CYP2C18: variants seen among roughly 807,000 people sequenced by gnomAD.
CYP2C18 encodes cytochrome P450 family 2 subfamily C member 18.
In CYP2C18, 38 loss-of-function variants were observed where a neutral mutation model predicts 41.3. The ratio of observed to expected loss-of-function variants is 0.92; its 90% CI spans 0.71 to 1.21. The LOEUF is 1.21. CYP2C18 is among the 50% of genes most tolerant of loss of function. The pLI is 0.00. For synonymous variants in CYP2C18, 236 were observed against 210.0 expected, an observed-to-expected ratio of 1.12 and a Z score of -1.07; for missense variants, 635 against 591.4, an observed-to-expected ratio of 1.07 and a Z score of -0.77.
At chr10:94,695,098 T>A in intron 4 of CYP2C18, 21 bp downstream of exon 4, 1 of 1,572,738 alleles carries the variant, frequency 6.4e-7, no homozygotes, top group Non-Finnish European at 8.6e-7. Context: ...GAGCTTCTCT[T>A]CCTGAGATAT....
Position 94,735,967 on chromosome 10 carries a change from G to C in CYP2C18, c.*523G>C, listed in dbSNP as rs1300188684. ...AGCTGTTTTAGCTAAATGCCACCTA[G>C]AGTTATTGGAGGTCTGAATTTGGAA... On this transcript the variant is annotated 3_prime_UTR_variant, in exon 9 of 9. Coordinates refer to ENST00000285979, the MANE Select transcript of CYP2C18 (RefSeq NM_000772.3). 1.3e-5 allele frequency: 2 copies of C among 152,784 alleles called. No homozygotes were observed. The highest frequency in any genetic ancestry group is 4.8e-5 in the African/African-American group (2 of 41,396). The allele number at this position is 152,784 out of a possible 1,614,324, so 9.5% of individuals were successfully genotyped here.
intron 3 of CYP2C18, among the ~76,000 whole-genome samples, chr10:94,691,776 C>T (rs1470550471): frequency 2.0e-5 from 3 of 152,182 alleles, no homozygotes; most frequent in Non-Finnish European, 4.4e-5. Flanking sequence ...TCAAACTATA[C>T]TACAAGGCTA....
rs1417419804 is a variant in CYP2C18 at position 94,716,018 on chromosome 10, T to A, written c.820-4378T>A. Among the ~76,000 whole-genome samples the A allele has an allele frequency of 2.6e-5, 4 of 152,318 alleles. No individual in the cohort carries two copies. The East Asian group carries it at 7.7e-4, about 29-fold the overall frequency. ...GATGGTAGTTTGCATTTCTGTGGGA[T>A]CAGTGGTGATATCCCCTTTAACATT... On this transcript the variant is annotated intron_variant, in intron 5 of 8. Transcript: ENST00000285979.
chr10:94,728,027 A>G (rs1323401352), intron 7 of CYP2C18, among the ~76,000 whole-genome samples: 2 of 152,126 alleles, frequency 1.3e-5, no homozygotes, highest in Non-Finnish European at 2.9e-5. Context: ...TTATACTAAA[A>G]TATCTCTTAT....
intron 4 of CYP2C18, among the ~76,000 whole-genome samples, chr10:94,702,278 C>A (rs886317851): frequency 6.6e-6 from 1 of 152,068 alleles, no homozygotes; most frequent in Non-Finnish European, 1.5e-5. Context: ...GAATGTTGGC[C>A]TGTCTTGCTA....
At chr10:94,691,191 G>T (rs1343154304) in intron 3 of CYP2C18, among the ~76,000 whole-genome samples, 1 of 152,020 alleles carries the variant, frequency 6.6e-6, no homozygotes, top group Non-Finnish European at 1.5e-5. Context: ...GGCAGGAGAA[G>T]GAAATAAAGG....
chr10:94,690,311 T>C (rs1846972795), intron 3 of CYP2C18, among the ~76,000 whole-genome samples: 1 of 152,202 alleles, frequency 6.6e-6, no homozygotes, highest in Admixed American at 6.5e-5. Context: ...ATTACCCTGA[T>C]TTTTATTATC....
intron 3 of CYP2C18, among the ~76,000 whole-genome samples, chr10:94,691,720 A>G (rs11188055): frequency 0.2 from 30,596 of 152,154 alleles, 3,262 homozygotes; most frequent in Middle Eastern, 0.23. Flanking sequence ...TGCCAAGTCA[A>G]TCCTAAGCCA....
At chr10:94,719,269 CA>C (rs1223473740) in intron 5 of CYP2C18, among the ~76,000 whole-genome samples, 1 of 152,098 alleles carries the variant, frequency 6.6e-6, no homozygotes, top group Non-Finnish European at 1.5e-5. Context: ...ATGGCTTAAA[CA>C]AATAATGTGT....
chr10:94,717,015 T>C (rs936036289), intron 5 of CYP2C18, among the ~76,000 whole-genome samples: 6 of 152,180 alleles, frequency 3.9e-5, no homozygotes, highest in Non-Finnish European at 5.9e-5. Flanking sequence ...CCTGCCTTTT[T>C]TTGTTTTCCA....
chr10:94,705,485 C>T (rs68060620), intron 4 of CYP2C18, among the ~76,000 whole-genome samples: 24,908 of 152,184 alleles, frequency 0.16, 2,253 homozygotes, highest in East Asian at 0.37. Context: ...AACAAACCTG[C>T]ACATCCTGCA....
In CYP2C18 at chr10:94,724,122, T is replaced by C. The variant is rs933198423; in HGVS notation, c.962-224T>C. On this transcript the variant is annotated intron_variant, in intron 6 of 8. Coordinates refer to ENST00000285979, the MANE Select transcript of CYP2C18 (RefSeq NM_000772.3). ...TTATATTTGTACTGATTATCTTGTA[T>C]GCTAATATGTAGGTGGTTACAGATT... Among the ~76,000 whole-genome samples the C allele has an allele frequency of 4.6e-5, 7 of 151,852 alleles. No homozygotes were observed. The Admixed American group carries it at 4.6e-4, about 10-fold the overall frequency.
intron 1 of CYP2C18, among the ~76,000 whole-genome samples, chr10:94,687,027 G>A (rs918101097): frequency 4.6e-5 from 7 of 152,074 alleles, no homozygotes; most frequent in Non-Finnish European, 1.0e-4. Flanking sequence ...AAACATAAAC[G>A]AATGAAAGAA....
intron 5 of CYP2C18, among the ~76,000 whole-genome samples, chr10:94,708,933 A>T (rs1272148873): frequency 2.0e-5 from 3 of 152,142 alleles, no homozygotes; most frequent in South Asian, 2.1e-4. Context: ...GTCAAATAAT[A>T]TTTGGGTGTG....
At chr10:94,690,192 A>G (rs1163608236) in intron 3 of CYP2C18, among the ~76,000 whole-genome samples, 1 of 152,200 alleles carries the variant, frequency 6.6e-6, no homozygotes, top group Admixed American at 6.5e-5. Context: ...GGTGAATTTT[A>G]AAACAACTGG....
chr10:94,715,384 C>T lies in CYP2C18; in HGVS notation c.820-5012C>T, dbSNP rs557514402. On this transcript the variant is annotated intron_variant, in intron 5 of 8. Transcript: ENST00000285979. ...TACCGAATTTATTGAGAGTTTTTAG[C>T]ATGAAGGTTTTTGAATTTTGTCAAA... is the stretch of plus-strand genomic sequence containing the variant. Among the ~76,000 whole-genome samples, 500 of 152,278 alleles carry T rather than the reference C, an allele frequency of 3.3e-3. 1 individual carries two copies. The highest frequency in any genetic ancestry group is 0.012 in the African/African-American group (481 of 41,552).
chr10:94,712,347 C>A lies in CYP2C18; in HGVS notation c.819+5387C>A, dbSNP rs371734560. On this transcript the variant is annotated intron_variant, in intron 5 of 8. Coordinates refer to ENST00000285979, the MANE Select transcript of CYP2C18 (RefSeq NM_000772.3). ...CCCTTTGACTATCATCTCCCCCTTTCCCCCCGCCCCCAAGCCCTCTGGCAA... is the reference window on the plus strand; with the variant it reads ...CCCTTTGACTATCATCTCCCCCTTTACCCCCGCCCCCAAGCCCTCTGGCAA... 1.3e-4 allele frequency among the ~76,000 whole-genome samples: 20 copies of A among 151,384 alleles called. No homozygotes were observed. In the East Asian group the frequency reaches 3.7e-3, roughly 28 times the overall value.
At chr10:94,692,421 T>G (rs929168391) in intron 3 of CYP2C18, among the ~76,000 whole-genome samples, 2 of 130,760 alleles carry the variant, frequency 1.5e-5, no homozygotes, top group African/African-American at 5.8e-5. Context: ...ACATGAAAAA[T>G]GCTCATCATC....
intron 4 of CYP2C18, among the ~76,000 whole-genome samples, chr10:94,698,753 A>AAG (rs1847173246): frequency 2.0e-5 from 3 of 151,766 alleles, no homozygotes; most frequent in African/African-American, 7.3e-5. Context: ...TAAAGAAGAA[A>AAG]AGAGAAGAAT....
Sources: allele counts gnomAD v4.1 joint callset (sites outside exome capture counted in the v4.1 genomes callset), GRCh38; gene constraint gnomAD v4.1.1; transcripts MANE v1.5; gene names NCBI Gene and HGNC (gene_info 2026-07-23, HGNC 2026-07-21).